LRP1B: variants seen among roughly 807,000 people sequenced by gnomAD.
LRP1B encodes the protein low-density lipoprotein receptor-related protein 1B.
LRP1B carries 217 observed loss-of-function variants against 556.6 expected under a neutral mutation model. The observed-to-expected ratio is 0.39, with a 90% CI of 0.35 to 0.44. The LOEUF (loss-of-function observed/expected upper bound fraction) is 0.44. LRP1B is among the 20% of genes least tolerant of loss of function. The pLI, the probability that LRP1B is intolerant of heterozygous loss-of-function variation, is 1.00. For missense variants in LRP1B, 5,053 were observed against 5,620.8 expected (o/e 0.90, Z 3.23); for synonymous variants, 2,047 against 1,865.8 (o/e 1.10, Z -2.50).
chr2:141,275,719 T>G (rs1197612908), intron 3 of LRP1B, among the ~76,000 whole-genome samples: 3 of 151,878 alleles, frequency 2.0e-5, no homozygotes, highest in Non-Finnish European at 2.9e-5. Context: ...TTTCAAAAAA[T>G]AAAAGAAAAG....
chr2:141,051,333 CTTACTGCAGCA>C (rs1392116377), intron 10 of LRP1B, among the ~76,000 whole-genome samples: 1 of 151,950 alleles, frequency 6.6e-6, no homozygotes, highest in African/African-American at 2.4e-5. Flanking sequence ...CACATGTATG[CTTACTGCAGCA>C]TTATTTAAAT....
intron 18 of LRP1B, among the ~76,000 whole-genome samples, chr2:140,968,237 C>G (rs1323547918): frequency 1.3e-5 from 2 of 151,776 alleles, no homozygotes; most frequent in Non-Finnish European, 2.9e-5. Context: ...AGGGATTCAA[C>G]TTCTTCCTGG....
At chr2:141,816,609 G>A (rs919448118) in intron 1 of LRP1B, among the ~76,000 whole-genome samples, 2 of 151,986 alleles carry the variant, frequency 1.3e-5, no homozygotes, top group African/African-American at 4.8e-5. Context: ...GCTTCCAAAC[G>A]GCCTATTGTG....
At chr2:141,334,655 G>A (rs2714194) in intron 3 of LRP1B, among the ~76,000 whole-genome samples, 87,984 of 151,760 alleles carry the variant, frequency 0.58, 26,406 homozygotes, top group African/African-American at 0.68. Context: ...AGGATCAAGT[G>A]ATTCTCCTGC....
chr2:141,879,803 A>G (rs540376606), intron 1 of LRP1B, among the ~76,000 whole-genome samples: 7 of 152,154 alleles, frequency 4.6e-5, no homozygotes, highest in African/African-American at 1.7e-4. Flanking sequence ...TAATTAGCAG[A>G]GATAAAGGAA....
intron 3 of LRP1B, among the ~76,000 whole-genome samples, chr2:141,334,127 A>G (rs1687759768): frequency 6.6e-6 from 1 of 152,228 alleles, no homozygotes; most frequent in South Asian, 2.1e-4. Context: ...CATCCCACAG[A>G]ATGAATGAAC....
chr2:141,321,511 T>G (rs567295734), intron 3 of LRP1B, among the ~76,000 whole-genome samples: 46 of 152,218 alleles, frequency 3.0e-4, no homozygotes, highest in African/African-American at 1.1e-3. Context: ...GTTAATTGTT[T>G]CTCTTTGGTT....
intron 2 of LRP1B, among the ~76,000 whole-genome samples, chr2:141,677,495 T>C (rs530248515): frequency 6.6e-6 from 1 of 152,256 alleles, no homozygotes; most frequent in East Asian, 1.9e-4. Context: ...TATGTATATA[T>C]ATATTTTTTT....
intron 2 of LRP1B, among the ~76,000 whole-genome samples, chr2:141,510,235 C>T (rs989217155): frequency 7.0e-6 from 1 of 143,106 alleles, no homozygotes; most frequent in Non-Finnish European, 1.5e-5. Context: ...CACACACACA[C>T]CCCCCACAGT....
intron 3 of LRP1B, among the ~76,000 whole-genome samples, chr2:141,389,872 G>T (rs192755640): frequency 6.6e-6 from 1 of 152,224 alleles, no homozygotes; most frequent in Non-Finnish European, 1.5e-5. Context: ...TGGTGAGGTG[G>T]CTCATGCCTA....
At chr2:140,924,841 AG>A (rs1247480954) in intron 20 of LRP1B, among the ~76,000 whole-genome samples, 1 of 152,092 alleles carries the variant, frequency 6.6e-6, no homozygotes, top group Non-Finnish European at 1.5e-5. Flanking sequence ...AAGATGGTAA[AG>A]TCTGTGCACA....
chr2:141,585,422 CGTGTGTGT>C lies in LRP1B; in HGVS notation c.206-104897_206-104890del, dbSNP rs3041302. Among the ~76,000 whole-genome samples the C allele has an allele frequency of 5.3e-3, 681 of 129,256 alleles. 6 individuals are homozygous for C. The highest frequency in any genetic ancestry group is 0.016 in the Middle Eastern group (4 of 256). 84.8% of individuals were successfully genotyped at this position (129,256 alleles called of 152,430 possible). A position where few individuals can be genotyped will look rare whatever the true frequency, so the allele number is the denominator to read the frequency against. ...GTGCTTGTGAGTGTCCTGAAATAATCGTGTGTGTGTGTGTGTGTGTGTGTGTGTGTGTG... is the reference window on the plus strand; with the variant it reads ...GTGCTTGTGAGTGTCCTGAAATAATCGTGTGTGTGTGTGTGTGTGTGTGTG... On this transcript the variant is annotated intron_variant, in intron 2 of 90. Coordinates refer to ENST00000389484, the MANE Select transcript of LRP1B (RefSeq NM_018557.3).
chr2:140,492,468 C>A, intron 57 of LRP1B, 140 bp downstream of exon 57: 1 of 599,636 alleles, frequency 1.7e-6, no homozygotes, highest in African/African-American at 1.9e-5. Context: ...CAGATACAAA[C>A]TAAATATTTT....
rs190714064 is a variant in LRP1B at position 140,737,371 on chromosome 2, T to G, written c.5759-20555A>C. ...CTGAATAAACTCTGATGACCCAAGG[T>G]GAAAAGCATCATCATTGACCCCTAT... On this transcript the variant is annotated intron_variant, in intron 35 of 90. Coordinates refer to ENST00000389484, the MANE Select transcript of LRP1B (RefSeq NM_018557.3). Among the ~76,000 whole-genome samples the G allele has an allele frequency of 1.7e-3, 256 of 152,196 alleles. 1 individual carries two copies. The highest frequency in any genetic ancestry group is 3.4e-3 in the Middle Eastern group (1 of 294).
At chr2:140,632,785 G>T (rs943099258) in intron 41 of LRP1B, among the ~76,000 whole-genome samples, 2 of 152,058 alleles carry the variant, frequency 1.3e-5, no homozygotes, top group African/African-American at 4.8e-5. Context: ...ACATTAGGCC[G>T]GGCATCGTGG....
chr2:140,416,120 A>G (rs1409668625), intron 66 of LRP1B, among the ~76,000 whole-genome samples: 1 of 152,116 alleles, frequency 6.6e-6, no homozygotes, highest in African/African-American at 2.4e-5. Context: ...CACAATGGCT[A>G]CCCATTGCTC....
chr2:140,774,086 G>T (rs1255577880), intron 33 of LRP1B, among the ~76,000 whole-genome samples: 5 of 152,024 alleles, frequency 3.3e-5, no homozygotes, highest in Admixed American at 3.3e-4. Flanking sequence ...AATCCAAATA[G>T]GTAGTGATGT....
chr2:141,417,188 A>C (rs935115034), intron 3 of LRP1B, among the ~76,000 whole-genome samples: 1 of 152,204 alleles, frequency 6.6e-6, no homozygotes, highest in Non-Finnish European at 1.5e-5. Context: ...TTATGCAGGC[A>C]TATTTGCCAA....
intron 7 of LRP1B, among the ~76,000 whole-genome samples, chr2:141,184,654 G>C (rs553768097): frequency 6.9e-6 from 1 of 144,380 alleles, no homozygotes; most frequent in Non-Finnish European, 1.5e-5. Context: ...ATTTCTAATA[G>C]CTCCTATGTC....
Sources: gnomAD v4.1 joint callset for allele counts (sites outside exome capture counted in the v4.1 genomes callset) on GRCh38, gnomAD v4.1.1 for gene constraint, MANE v1.5 for transcripts, NCBI Gene and HGNC (gene_info 2026-07-23, HGNC 2026-07-21) for gene names.